Variants in PTPRD observed in about 807,000 individuals in gnomAD.
PTPRD encodes receptor-type tyrosine-protein phosphatase delta.
Under a neutral mutation model 214.5 loss-of-function variants are expected in PTPRD, and 34 were observed. The observed-to-expected ratio is 0.16, with a 90% confidence interval of 0.12 to 0.21. The LOEUF is 0.21. Among genes scored for constraint, PTPRD ranks in the 10% least tolerant of loss-of-function variants. The pLI is 1.00. For missense variants in PTPRD, 2,545 were observed against 2,398.7 expected (o/e 1.06, Z -1.27); for synonymous variants, 1,128 against 845.7 (o/e 1.33, Z -5.79).
chr9:8,348,354 C>T (rs7868050), intron 39 of PTPRD, among the ~76,000 whole-genome samples: 138,173 of 152,176 alleles, frequency 0.91, 62,784 homozygotes, highest in African/African-American at 0.94. Context: ...GCATGGATGC[C>T]ACTTTTTCTG....
intron 7 of PTPRD, among the ~76,000 whole-genome samples, chr9:9,717,343 T>G (rs1414931353): frequency 1.3e-5 from 2 of 152,220 alleles, no homozygotes; most frequent in Non-Finnish European, 2.9e-5. Context: ...GGCTCTTTTT[T>G]GGTTCCATAT....
chr9:10,511,341 C>T (rs2047939184), intron 2 of PTPRD, among the ~76,000 whole-genome samples: 1 of 151,954 alleles, frequency 6.6e-6, no homozygotes, highest in Admixed American at 6.6e-5. Context: ...TAGAAACTGC[C>T]AAATTGTCTT....
chr9:9,047,175 T>C (rs1306047017), intron 10 of PTPRD, among the ~76,000 whole-genome samples: 2 of 151,958 alleles, frequency 1.3e-5, no homozygotes, highest in Admixed American at 1.3e-4. Flanking sequence ...CAAATAAAAT[T>C]AAATACCTAG....
chr9:9,080,044 T>C (rs2099756845), intron 10 of PTPRD, among the ~76,000 whole-genome samples: 2 of 152,200 alleles, frequency 1.3e-5, no homozygotes, highest in Middle Eastern at 3.4e-3. Context: ...TATGTGATCA[T>C]GTAGAATTCT....
chr9:10,552,866 C>A (rs1022225032), intron 2 of PTPRD, among the ~76,000 whole-genome samples: 2 of 152,162 alleles, frequency 1.3e-5, no homozygotes, highest in Non-Finnish European at 2.9e-5. Context: ...AAAAGGAAAC[C>A]TATTCTTGTC....
At chr9:9,353,158 C>A (rs1021735967) in intron 9 of PTPRD, among the ~76,000 whole-genome samples, 2 of 151,942 alleles carry the variant, frequency 1.3e-5, no homozygotes, top group African/African-American at 4.8e-5. Flanking sequence ...TAAAACTTTA[C>A]TACCTATTTC....
intron 4 of PTPRD, among the ~76,000 whole-genome samples, chr9:9,976,487 A>G (rs1249568129): frequency 1.3e-5 from 2 of 151,590 alleles, no homozygotes; most frequent in Non-Finnish European, 2.9e-5. Context: ...CCTGAGTTCA[A>G]GAGATTCTTA....
chr9:9,906,655 A>G (rs1296968726), intron 5 of PTPRD, among the ~76,000 whole-genome samples: 1 of 151,994 alleles, frequency 6.6e-6, no homozygotes, highest in East Asian at 1.9e-4. Context: ...CACCTATCAT[A>G]TAATCAGCAT....
chr9:9,098,838 T>C (rs902120149), intron 10 of PTPRD, among the ~76,000 whole-genome samples: 2 of 152,152 alleles, frequency 1.3e-5, no homozygotes, highest in Non-Finnish European at 2.9e-5. Context: ...TTACACATGT[T>C]CACCAGGAGA....
chr9:8,399,497 T>C (rs2091982260), intron 36 of PTPRD, among the ~76,000 whole-genome samples: 1 of 152,154 alleles, frequency 6.6e-6, no homozygotes, highest in South Asian at 2.1e-4. Flanking sequence ...TGAAATTTAG[T>C]TTTCAGTTTT....
chr9:9,263,556 G>C (rs1023094914), intron 9 of PTPRD, among the ~76,000 whole-genome samples: 2 of 151,522 alleles, frequency 1.3e-5, no homozygotes, highest in African/African-American at 4.8e-5. Flanking sequence ...TATATTCTTG[G>C]TACTTAGTAT....
At chr9:8,670,577 ATATATC>A (rs1432747645) in intron 12 of PTPRD, among the ~76,000 whole-genome samples, 11 of 152,212 alleles carry the variant, frequency 7.2e-5, no homozygotes, top group Admixed American at 2.0e-4. Context: ...ATATGTTTCT[ATATATC>A]TATAAGTATC....
At chr9:9,637,701 G>A (rs575740336) in intron 7 of PTPRD, among the ~76,000 whole-genome samples, 144 of 152,192 alleles carry the variant, frequency 9.5e-4, no homozygotes, top group African/African-American at 3.3e-3. Context: ...TAGTTCTGGG[G>A]TCTTTGGAAT....
At chr9:10,497,063 C>T in intron 2 of PTPRD, among the ~76,000 whole-genome samples, 1 of 151,804 alleles carries the variant, frequency 6.6e-6, no homozygotes, top group Admixed American at 6.6e-5. Flanking sequence ...AACCAAATAC[C>T]TTATGTTCTT....
intron 11 of PTPRD, among the ~76,000 whole-genome samples, chr9:8,945,139 A>C (rs2099055984): frequency 6.6e-6 from 1 of 152,096 alleles, no homozygotes; most frequent in East Asian, 1.9e-4. Context: ...TTGCTAAATC[A>C]AATTTTAAGG....
At chr9:8,887,914 A>G (rs2098505136) in intron 11 of PTPRD, among the ~76,000 whole-genome samples, 1 of 152,140 alleles carries the variant, frequency 6.6e-6, no homozygotes, top group Non-Finnish European at 1.5e-5. Flanking sequence ...TGGAACTTAC[A>G]GGAAGAACCA....
At chr9:8,659,747 G>C (rs916203573) in intron 12 of PTPRD, among the ~76,000 whole-genome samples, 2 of 152,142 alleles carry the variant, frequency 1.3e-5, no homozygotes, top group Non-Finnish European at 2.9e-5. Flanking sequence ...ATCTGTTTGA[G>C]AATAAAGAAG....
At chr9:9,562,699 A>T (rs374634923) in intron 8 of PTPRD, among the ~76,000 whole-genome samples, 1 of 151,970 alleles carries the variant, frequency 6.6e-6, no homozygotes, top group South Asian at 2.1e-4. Flanking sequence ...TTCCTGAGCA[A>T]ATTTGCCCAA....
intron 8 of PTPRD, among the ~76,000 whole-genome samples, chr9:9,479,799 C>A (rs139063131): frequency 1.1e-4 from 16 of 152,104 alleles, no homozygotes; most frequent in South Asian, 4.1e-4. Context: ...CAGGAAGATA[C>A]AAATTATTTG....
Sources: allele counts gnomAD v4.1 joint callset (sites outside exome capture counted in the v4.1 genomes callset), GRCh38; gene constraint gnomAD v4.1.1; transcripts MANE v1.5; gene names NCBI Gene and HGNC (gene_info 2026-07-23, HGNC 2026-07-21).